MTFR1: variants seen among roughly 807,000 people sequenced by gnomAD.
MTFR1 encodes the protein chondrocyte protein with a poly-proline region.
MTFR1 carries 28 observed loss-of-function variants against 38.8 expected under a neutral mutation model. The observed-to-expected ratio is 0.72, with a 90% CI of 0.53 to 0.99. MTFR1 has a LOEUF of 0.99. Among genes scored for constraint, MTFR1 ranks in the 50% least tolerant of loss-of-function variants. The pLI is 0.00. For synonymous variants in MTFR1, 145 were observed against 137.0 expected (o/e 1.06, Z -0.41); for missense variants, 358 against 395.5 (o/e 0.91, Z 0.81).
chr8:65,723,902 C>T (rs1004267243), intron 3 of MTFR1, among the ~76,000 whole-genome samples: 3 of 152,066 alleles, frequency 2.0e-5, no homozygotes, highest in African/African-American at 7.2e-5. Context: ...ATAAAGATTC[C>T]TGGATCCGGG....
At chr8:65,720,034 T>C (rs1243353619) in intron 3 of MTFR1, among the ~76,000 whole-genome samples, 1 of 152,204 alleles carries the variant, frequency 6.6e-6, no homozygotes, top group Non-Finnish European at 1.5e-5. Flanking sequence ...AAACTTATGA[T>C]AAGAGTCAGT....
At chr8:65,693,337 G>T (rs1236993120) in intron 3 of MTFR1, among the ~76,000 whole-genome samples, 1 of 151,720 alleles carries the variant, frequency 6.6e-6, no homozygotes, top group Admixed American at 6.6e-5. Context: ...GGAGGCGGAG[G>T]TTGCAGTGAG....
downstream of MTFR1, among the ~76,000 whole-genome samples, chr8:65,713,334 G>A (rs958196193): frequency 2.6e-5 from 4 of 151,718 alleles, no homozygotes; most frequent in Non-Finnish European, 5.9e-5. Context: ...CCAACTACTC[G>A]GGAGGCTGAG....
At chr8:65,749,775 A>T (rs534655900) in intron 3 of MTFR1, among the ~76,000 whole-genome samples, 2 of 152,330 alleles carry the variant, frequency 1.3e-5, no homozygotes, top group South Asian at 4.1e-4. Context: ...AAAAACACAG[A>T]TCTGTTTATA....
At chr8:65,681,711 T>C (rs988407625) in intron 2 of MTFR1, among the ~76,000 whole-genome samples, 1 of 151,750 alleles carries the variant, frequency 6.6e-6, no homozygotes, top group Non-Finnish European at 1.5e-5. Flanking sequence ...GTTTTTGTCT[T>C]TAAGCATAGC....
chr8:65,755,336 A>T (rs1410030156), intron 3 of MTFR1, among the ~76,000 whole-genome samples: 1 of 152,092 alleles, frequency 6.6e-6, no homozygotes, highest in African/African-American at 2.4e-5. Flanking sequence ...TTGCCTTTTT[A>T]AAATTTAGGT....
chr8:65,702,800 C>T (rs963175653), intron 4 of MTFR1, among the ~76,000 whole-genome samples: 2 of 149,798 alleles, frequency 1.3e-5, no homozygotes, highest in African/African-American at 4.9e-5. Context: ...TTATATTTAA[C>T]TTAGGGTTCT....
At chr8:65,684,304 A>T (rs1431228972) in intron 3 of MTFR1, among the ~76,000 whole-genome samples, 1 of 152,234 alleles carries the variant, frequency 6.6e-6, no homozygotes, top group Non-Finnish European at 1.5e-5. Flanking sequence ...GGTACGAGAA[A>T]CATTGATGAC....
intron 1 of MTFR1, among the ~76,000 whole-genome samples, chr8:65,657,171 A>AC (rs779288669): frequency 6.6e-6 from 1 of 151,148 alleles, no homozygotes; most frequent in African/African-American, 2.4e-5. Context: ...GCACCACCAC[A>AC]CCCAGCTAAT....
At chr8:65,721,565 C>A (rs1050730948) in intron 3 of MTFR1, among the ~76,000 whole-genome samples, 1 of 152,092 alleles carries the variant, frequency 6.6e-6, no homozygotes, top group Non-Finnish European at 1.5e-5. Context: ...TGACCTTATC[C>A]CTGACAACCC....
At chr8:65,667,635 C>T (rs1431308071) in intron 1 of MTFR1, among the ~76,000 whole-genome samples, 1 of 152,004 alleles carries the variant, frequency 6.6e-6, no homozygotes, top group East Asian at 1.9e-4. Flanking sequence ...ACCATGTTGG[C>T]CAGGCTGGTC....
At chr8:65,645,450 G>T (rs904429351) in intron 1 of MTFR1, among the ~76,000 whole-genome samples, 1 of 152,220 alleles carries the variant, frequency 6.6e-6, no homozygotes, top group Non-Finnish European at 1.5e-5. Flanking sequence ...GAAATTGAAC[G>T]AAGGATATAA....
intron 3 of MTFR1, chr8:65,689,713 A>G: frequency 1.7e-6 from 1 of 582,440 alleles, no homozygotes; most frequent in Non-Finnish European, 2.5e-6. Flanking sequence ...CTTGACTTGT[A>G]CTTTACTAAG....
downstream of MTFR1, among the ~76,000 whole-genome samples, chr8:65,710,990 TAGAGAGAG>T (rs58516082): frequency 3.3e-5 from 5 of 150,856 alleles, no homozygotes; most frequent in African/African-American, 9.8e-5. Flanking sequence ...TATATATATA[TAGAGAGAG>T]AGAGAGAGAG....
At chr8:65,744,744 G>T (rs1807595848) in intron 3 of MTFR1, among the ~76,000 whole-genome samples, 1 of 152,104 alleles carries the variant, frequency 6.6e-6, no homozygotes, top group African/African-American at 2.4e-5. Flanking sequence ...AGATAATAAT[G>T]TTTACTTTGG....
At chr8:65,693,338 T>C (rs1585785953) in intron 3 of MTFR1, among the ~76,000 whole-genome samples, 1 of 151,224 alleles carries the variant, frequency 6.6e-6, no homozygotes, top group South Asian at 2.1e-4. Context: ...GAGGCGGAGG[T>C]TGCAGTGAGC....
At chr8:65,691,900 T>TCCAAAAC (rs1805293728) in intron 3 of MTFR1, among the ~76,000 whole-genome samples, 1 of 152,246 alleles carries the variant, frequency 6.6e-6, no homozygotes, top group Non-Finnish European at 1.5e-5. Flanking sequence ...CTGATATGTT[T>TCCAAAAC]AAAGTTTTAT....
At chr8:65,716,168 AG>A in intron 2 of MTFR1, among the ~76,000 whole-genome samples, 1 of 151,434 alleles carries the variant, frequency 6.6e-6, no homozygotes, top group South Asian at 2.1e-4. Context: ...AAAAAACAAA[AG>A]GGCTATAGAA....
intron 3 of MTFR1, among the ~76,000 whole-genome samples, chr8:65,766,347 T>G (rs993118311): frequency 1.3e-5 from 2 of 152,252 alleles, no homozygotes; most frequent in Non-Finnish European, 2.9e-5. Context: ...ATATGGCTAA[T>G]TGAACAGAGG....
Sources: allele counts gnomAD v4.1 joint callset (sites outside exome capture counted in the v4.1 genomes callset), GRCh38; gene constraint gnomAD v4.1.1; transcripts MANE v1.5; gene names NCBI Gene and HGNC (gene_info 2026-07-23, HGNC 2026-07-21).